Variants in ERBB4 observed in about 807,000 individuals in gnomAD.
The protein encoded by ERBB4 is erb-b2 receptor tyrosine kinase 4, also known as receptor tyrosine-protein kinase erbB-4.
In ERBB4, 42 loss-of-function variants were observed where a neutral mutation model predicts 158.0. The ratio of observed to expected loss-of-function variants is 0.27; its 90% CI spans 0.21 to 0.34. The LOEUF (loss-of-function observed/expected upper bound fraction) is 0.34. ERBB4 is among the 10% of genes least tolerant of loss of function. ERBB4 has a pLI of 1.00. For missense variants in ERBB4, 1,333 were observed against 1,624.1 expected (o/e 0.82, Z 3.08); for synonymous variants, 583 against 558.7 (o/e 1.04, Z -0.61).
chr2:211,522,106 A>G (rs2066202228), intron 20 of ERBB4, among the ~76,000 whole-genome samples: 1 of 152,184 alleles, frequency 6.6e-6, no homozygotes, highest in Non-Finnish European at 1.5e-5. Flanking sequence ...TCAAAAGGGT[A>G]TAACTACCAC....
rs2087465284 is a variant in ERBB4 at position 212,319,624 on chromosome 2, T to C, written c.83-194721A>G. On this transcript the variant is annotated intron_variant, in intron 1 of 27. Coordinates refer to ENST00000342788, the MANE Select transcript of ERBB4 (RefSeq NM_005235.3). ...CTTTGCATAAGTGAAACATTATTTG[T>C]TACAGGAAACTTTGAATTGCATATA... Among the ~76,000 whole-genome samples, 2 of 150,378 alleles carry C rather than the reference T, an allele frequency of 1.3e-5. 1 individual carries two copies. The highest frequency in any genetic ancestry group is 4.2e-4 in the South Asian group (2 of 4,712).
At chr2:211,840,158 A>C (rs1308262046) in intron 3 of ERBB4, among the ~76,000 whole-genome samples, 1 of 152,028 alleles carries the variant, frequency 6.6e-6, no homozygotes, top group African/African-American at 2.4e-5. Flanking sequence ...ACCTAACAGA[A>C]TCATGGCGTG....
At chr2:211,860,213 A>G (rs13033050) in intron 3 of ERBB4, among the ~76,000 whole-genome samples, 32,293 of 152,110 alleles carry the variant, frequency 0.21, 3,577 homozygotes, top group South Asian at 0.33. Context: ...GATACTGGAC[A>G]TAGAGAAACA....
At chr2:212,483,930 G>A (rs1282162808) in intron 1 of ERBB4, among the ~76,000 whole-genome samples, 1 of 152,060 alleles carries the variant, frequency 6.6e-6, no homozygotes, top group East Asian at 1.9e-4. Flanking sequence ...TAGAGACGGA[G>A]TTTCACCGTG....
chr2:212,232,598 C>T (rs773983526), intron 1 of ERBB4, among the ~76,000 whole-genome samples: 10 of 151,976 alleles, frequency 6.6e-5, no homozygotes, highest in East Asian at 1.9e-4. Context: ...TTAGTAGAGA[C>T]GGGGTTTCAC....
intron 1 of ERBB4, among the ~76,000 whole-genome samples, chr2:212,191,607 CCTGTTATATATAACACATGTGTT>C (rs2082210860): frequency 7.3e-6 from 1 of 136,178 alleles, no homozygotes; most frequent in East Asian, 2.1e-4. Context: ...ATGTGTTATG[CCTGTTATATATAACACATGTGTT>C]ATGCATGCTA....
At chr2:212,261,312 C>G (rs756679918) in intron 1 of ERBB4, among the ~76,000 whole-genome samples, 9 of 152,062 alleles carry the variant, frequency 5.9e-5, no homozygotes, top group Non-Finnish European at 1.2e-4. Flanking sequence ...GAGGAATGCT[C>G]AGTGGTTTAA....
chr2:212,107,118 A>G (rs1384578653), intron 2 of ERBB4, among the ~76,000 whole-genome samples: 1 of 152,070 alleles, frequency 6.6e-6, no homozygotes, highest in Non-Finnish European at 1.5e-5. Context: ...GTCCTCCAGG[A>G]CCCTAAATAA....
At position 211,383,390 on chromosome 2, in the gene ERBB4, C is replaced by T; in HGVS notation, c.*225G>A. On this transcript the variant is annotated 3_prime_UTR_variant, in exon 28 of 28. Coordinates refer to ENST00000342788, the MANE Select transcript of ERBB4 (RefSeq NM_005235.3). ...GTTTCATTCTCCTGACCAACCCATG[C>T]AGAGAAATGAAGAAACATTGTGGTT... 1.8e-6 allele frequency: 1 copy of T among 558,658 alleles called. No individual in the cohort carries two copies. Among genetic ancestry groups the T allele is most frequent in the East Asian group, 3.0e-5 (1 of 33,044 alleles). The allele number at this position is 558,658 out of a possible 1,614,324, so 34.6% of individuals were successfully genotyped here.
At chr2:212,048,013 A>G (rs2077302117) in intron 2 of ERBB4, among the ~76,000 whole-genome samples, 1 of 152,138 alleles carries the variant, frequency 6.6e-6, no homozygotes, top group Non-Finnish European at 1.5e-5. Context: ...TTCATGAGAG[A>G]CTTCGTTGGG....
At chr2:211,520,831 A>G (rs1168518754) in intron 20 of ERBB4, among the ~76,000 whole-genome samples, 1 of 152,122 alleles carries the variant, frequency 6.6e-6, no homozygotes, top group African/African-American at 2.4e-5. Context: ...AAACTTTGTT[A>G]TAATTATTAT....
chr2:211,410,538 T>C (rs2063236433), intron 25 of ERBB4, among the ~76,000 whole-genome samples: 1 of 152,124 alleles, frequency 6.6e-6, no homozygotes, highest in South Asian at 2.1e-4. Context: ...TATTTAACAA[T>C]GGAAAAAGCA....
At chr2:212,156,448 T>C (rs2081037851) in intron 1 of ERBB4, among the ~76,000 whole-genome samples, 1 of 152,036 alleles carries the variant, frequency 6.6e-6, no homozygotes, top group African/African-American at 2.4e-5. Context: ...TCCCTCCAAA[T>C]TGTATCAGTC....
In ERBB4 at chr2:212,334,212, T is replaced by C. The variant is rs147022398; in HGVS notation, c.82+204237A>G. On this transcript the variant is annotated intron_variant, in intron 1 of 27. Coordinates refer to ENST00000342788, the MANE Select transcript of ERBB4 (RefSeq NM_005235.3). Reference sequence around the variant, plus strand: ...CACTCTTAATTCCTCTCTCTTTTGCTCTCTTCATCTCTCTCTTCCTCCACT... The same window carrying C: ...CACTCTTAATTCCTCTCTCTTTTGCCCTCTTCATCTCTCTCTTCCTCCACT... Among the ~76,000 whole-genome samples, 15 of 152,156 alleles carry C rather than the reference T, an allele frequency of 9.9e-5. No individual in the cohort carries two copies. The East Asian group carries it at 2.9e-3, about 29-fold the overall frequency.
chr2:211,855,923 A>G (rs1289416516), intron 3 of ERBB4, among the ~76,000 whole-genome samples: 1 of 152,204 alleles, frequency 6.6e-6, no homozygotes, highest in Non-Finnish European at 1.5e-5. Context: ...AAAATAAAAA[A>G]GATTCTACAG....
intron 19 of ERBB4, among the ~76,000 whole-genome samples, chr2:211,595,870 G>T (rs2068615682): frequency 6.6e-6 from 1 of 152,094 alleles, no homozygotes; most frequent in Non-Finnish European, 1.5e-5. Context: ...CGTGTATTTT[G>T]GTATCTGCAG....
At chr2:211,779,883 A>C (rs2075991576) in intron 4 of ERBB4, 1 of 152,216 alleles carries the variant, frequency 6.6e-6, no homozygotes, top group Non-Finnish European at 1.5e-5. Context: ...GTCAGAGTTA[A>C]TTTATAGGCT....
chr2:212,537,235 C>T lies in ERBB4; in HGVS notation c.82+1214G>A, dbSNP rs549034918. ...GGGGGCCTAAAGCGCTCCCTATCGC[C>T]ACTCCCGGGGGCTTTATCACCTCAA... On this transcript the variant is annotated intron_variant, in intron 1 of 27. Transcript: ENST00000342788. 2.0e-5 allele frequency among the ~76,000 whole-genome samples: 3 copies of T among 152,178 alleles called. No homozygotes were observed. In the South Asian group the frequency reaches 6.2e-4, roughly 32 times the overall value.
intron 4 of ERBB4, among the ~76,000 whole-genome samples, chr2:211,761,066 G>A (rs574619859): frequency 8.6e-5 from 13 of 151,748 alleles, no homozygotes; most frequent in East Asian, 2.0e-4. Flanking sequence ...GTGGTGGCGC[G>A]TGCCTGTAAT....
Sources: gnomAD v4.1 joint callset for allele counts (sites outside exome capture counted in the v4.1 genomes callset) on GRCh38, gnomAD v4.1.1 for gene constraint, MANE v1.5 for transcripts, NCBI Gene and HGNC (gene_info 2026-07-23, HGNC 2026-07-21) for gene names.